Variants in ANKRD26 observed in about 807,000 individuals in gnomAD.
ANKRD26 encodes the protein ankyrin repeat domain 26, also known as ankyrin repeat domain-containing protein 26.
Under a neutral mutation model 208.7 loss-of-function variants are expected in ANKRD26, and 141 were observed. That is an observed-to-expected ratio of 0.68 (90% CI 0.59 to 0.78). The LOEUF is 0.78. ANKRD26 is among the 30% of genes least tolerant of loss of function. The pLI is 0.00. For synonymous variants in ANKRD26, 636 were observed against 660.4 expected, an observed-to-expected ratio of 0.96 and a Z score of 0.57; for missense variants, 1,889 against 1,938.7, an observed-to-expected ratio of 0.97 and a Z score of 0.48.
At chr10:27,070,837 T>G (rs1045966782) in intron 9 of ANKRD26, among the ~76,000 whole-genome samples, 1 of 151,994 alleles carries the variant, frequency 6.6e-6, no homozygotes, top group Non-Finnish European at 1.5e-5. Context: ...GGCTAATTTT[T>G]TGTATCTTTA....
At chr10:27,044,462 C>A (rs2054371732) in intron 18 of ANKRD26, among the ~76,000 whole-genome samples, 1 of 148,256 alleles carries the variant, frequency 6.7e-6, no homozygotes, top group Non-Finnish European at 1.5e-5. Context: ...TCCTGACAGT[C>A]AAAGCAAAAT....
chr10:27,064,283 A>G (rs1211450038), intron 11 of ANKRD26, among the ~76,000 whole-genome samples: 1 of 152,202 alleles, frequency 6.6e-6, no homozygotes, highest in African/African-American at 2.4e-5. Flanking sequence ...TTATCTTTTC[A>G]TCTTCAGATG....
At chr10:27,063,956 A>G (rs772227680) in intron 12 of ANKRD26, 32 bp downstream of exon 12, 11 of 1,519,960 alleles carry the variant, frequency 7.2e-6, no homozygotes, top group Non-Finnish European at 1.0e-5. Context: ...ACTCTGTCCA[A>G]TGGCTTTTTA....
At chr10:27,083,069 T>G (rs1225918885) in intron 5 of ANKRD26, among the ~76,000 whole-genome samples, 1 of 152,170 alleles carries the variant, frequency 6.6e-6, no homozygotes, top group Admixed American at 6.5e-5. Context: ...CTACTCCTCA[T>G]GTCCAGTTTA....
In ANKRD26 at chr10:27,012,919, C is replaced by T. The variant is rs184369322; in HGVS notation, c.4916G>A (p.Arg1639Gln). The T allele has an allele frequency of 3.2e-4, 523 of 1,614,000 alleles. No individual in the cohort carries two copies. The highest frequency in any genetic ancestry group is 2.6e-4 in the Non-Finnish European group (310 of 1,179,912). Residue 1639 changes from arginine (R) to glutamine (Q), a missense_variant, in exon 32 of 34, where the codon CGG becomes CAG. Arg to Gln is a conservative substitution (Grantham distance 43). Transcript: ENST00000376087. Reference sequence around the variant, plus strand: ...GTTCTCCATGCTATTATTTGAAGCCCGTGGATTTGAGGTAGAGATCACTAA... The same window carrying T: ...GTTCTCCATGCTATTATTTGAAGCCTGTGGATTTGAGGTAGAGATCACTAA... ...ENLVISTSNP[R>Q]ASNNSMENYL...
At chr10:27,008,350 GAAT>G (rs918864436) in intron 32 of ANKRD26, among the ~76,000 whole-genome samples, 16 of 152,014 alleles carry the variant, frequency 1.1e-4, no homozygotes, top group African/African-American at 3.9e-4. Context: ...CTTATACAAT[GAAT>G]AATGTGACAA....
chr10:27,079,270 T>G, intron 6 of ANKRD26, 109 bp from the exon 7 acceptor site: 1 of 821,654 alleles, frequency 1.2e-6, no homozygotes, highest in South Asian at 1.5e-5. Flanking sequence ...AACAAAAACC[T>G]GGTGAAAGGT....
chr10:27,044,538 CG>C (rs2054375256), intron 18 of ANKRD26, among the ~76,000 whole-genome samples: 1 of 149,260 alleles, frequency 6.7e-6, no homozygotes, highest in African/African-American at 2.5e-5. Flanking sequence ...TTTTTGCTGT[CG>C]ACCTTTTCAA....
chr10:27,065,286 A>G (rs1425434018), intron 11 of ANKRD26, among the ~76,000 whole-genome samples: 1 of 152,178 alleles, frequency 6.6e-6, no homozygotes, highest in Non-Finnish European at 1.5e-5. Flanking sequence ...CTACTAGTAG[A>G]GCATAAGCCC....
intron 12 of ANKRD26, chr10:27,062,335 G>T (rs567795071): frequency 1.8e-6 from 1 of 551,392 alleles, no homozygotes; most frequent in Non-Finnish European, 2.3e-6. Context: ...TTGAATTATT[G>T]TCCAATGACG....
chr10:27,100,436 A>G lies in ANKRD26; in HGVS notation c.-110T>C. The G allele has an allele frequency of 1.3e-6, 2 of 1,497,510 alleles. No individual in the cohort carries two copies. Among genetic ancestry groups the G allele is most frequent in the Non-Finnish European group, 8.9e-7 (1 of 1,121,700 alleles). The allele number at this position is 1,497,510 out of a possible 1,614,324, so 92.8% of individuals were successfully genotyped here. A position where few individuals can be genotyped will look rare whatever the true frequency, so the allele number is the denominator to read the frequency against. On this transcript the variant is annotated 5_prime_UTR_variant, in exon 1 of 34. Transcript: ENST00000376087. Reference sequence around the variant, plus strand: ...CGGCTGGCCGCAGCCTCCCAAAGGAAACTCCGCGGTTTCCAATCTCTCCCT... The same window carrying G: ...CGGCTGGCCGCAGCCTCCCAAAGGAGACTCCGCGGTTTCCAATCTCTCCCT...
At chr10:27,086,776 T>G (rs909641609) in intron 4 of ANKRD26, among the ~76,000 whole-genome samples, 167 bp from the exon 5 acceptor site, 8 of 141,650 alleles carry the variant, frequency 5.6e-5, no homozygotes, top group South Asian at 2.4e-4. Context: ...TTGTTTTTTT[T>G]TTTTTTTTTT....
At position 27,077,711 on chromosome 10, in the gene ANKRD26, G is replaced by A; in HGVS notation, c.814-18C>T. 1 of 1,599,628 alleles carries A rather than the reference G, an allele frequency of 6.3e-7. No individual in the cohort carries two copies. Among genetic ancestry groups the A allele is most frequent in the Non-Finnish European group, 8.5e-7 (1 of 1,170,348 alleles). ...GGGACATTCTAGAAAACAAAAATAA[G>A]AATAACAAGTTTTAAAAAAACAAGT... is the stretch of plus-strand genomic sequence containing the variant. On this transcript the variant is annotated intron_variant, in intron 7 of 33. Coordinates refer to ENST00000376087, the MANE Select transcript of ANKRD26 (RefSeq NM_014915.3).
chr10:27,061,603 G>A (rs986952103), intron 12 of ANKRD26, among the ~76,000 whole-genome samples: 6 of 134,196 alleles, frequency 4.5e-5, no homozygotes, highest in Admixed American at 8.2e-5. Flanking sequence ...TCTGTCACCC[G>A]GACTGTAGTG....
chr10:27,072,938 C>T (rs111558807), intron 9 of ANKRD26, among the ~76,000 whole-genome samples: 2,027 of 152,294 alleles, frequency 0.013, 56 homozygotes, highest in African/African-American at 0.046. Flanking sequence ...CTGGGAGACT[C>T]GAGGACAGGT....
At chr10:26,971,253 T>C (rs543951113), downstream of ANKRD26, among the ~76,000 whole-genome samples, 102 of 152,172 alleles carry the variant, frequency 6.7e-4, 1 homozygote, top group Admixed American at 2.3e-3. Flanking sequence ...CTTGGTGGTG[T>C]GCACCTCTCG....
downstream of ANKRD26, among the ~76,000 whole-genome samples, chr10:26,972,859 G>A (rs1416319202): frequency 6.6e-6 from 1 of 152,024 alleles, no homozygotes; most frequent in Non-Finnish European, 1.5e-5. Context: ...CAAAGTTCTG[G>A]GATTACAGGC....
chr10:26,962,108 C>T, the ANKRD26 span, among the ~76,000 whole-genome samples: 1 of 152,018 alleles, frequency 6.6e-6, no homozygotes, highest in African/African-American at 2.4e-5. Flanking sequence ...GGGGATGGCC[C>T]AGTCAAAGGC....
intron 16 of ANKRD26, among the ~76,000 whole-genome samples, chr10:27,052,566 T>G (rs189211491): frequency 6.4e-4 from 98 of 152,240 alleles, no homozygotes; most frequent in African/African-American, 2.3e-3. Context: ...CTCTTACATT[T>G]TAATTGAAAT....
Sources: allele counts gnomAD v4.1 joint callset (sites outside exome capture counted in the v4.1 genomes callset), GRCh38; gene constraint gnomAD v4.1.1; transcripts MANE v1.5; gene names NCBI Gene and HGNC (gene_info 2026-07-23, HGNC 2026-07-21).